Variants in PTPRO observed in about 807,000 individuals in gnomAD.
PTPRO encodes the protein receptor-type tyrosine-protein phosphatase O.
Under a neutral mutation model 145.2 loss-of-function variants are expected in PTPRO, and 62 were observed. The observed-to-expected ratio is 0.43, with a 90% CI of 0.35 to 0.53. The LOEUF is 0.53. Ranked by LOEUF, PTPRO falls within the 20% of genes least tolerant of loss-of-function variation. PTPRO has a pLI of 0.01. For missense variants in PTPRO, 1,345 were observed against 1,482.7 expected, an observed-to-expected ratio of 0.91 and a Z score of 1.53; for synonymous variants, 565 against 514.7, an observed-to-expected ratio of 1.10 and a Z score of -1.32.
chr12:15,381,189 A>G (rs1268336254), intron 1 of PTPRO, among the ~76,000 whole-genome samples: 1 of 152,200 alleles, frequency 6.6e-6, no homozygotes, highest in African/African-American at 2.4e-5. Flanking sequence ...CTCAGAATAC[A>G]ATTTTTAAGA....
intron 1 of PTPRO, among the ~76,000 whole-genome samples, chr12:15,355,037 A>G (rs539983436): frequency 5.3e-5 from 8 of 152,252 alleles, no homozygotes; most frequent in Admixed American, 5.2e-4. Context: ...AATTTTGAGT[A>G]GTAAAGGAAT....
intron 1 of PTPRO, among the ~76,000 whole-genome samples, chr12:15,408,865 A>G (rs10846171): frequency 0.33 from 50,656 of 152,078 alleles, 9,226 homozygotes; most frequent in African/African-American, 0.49. Context: ...CGTAAAATGA[A>G]GTATAGATAT....
At chr12:15,560,358 T>G in intron 17 of PTPRO, 82 bp downstream of exon 17, 1 of 1,110,502 alleles carries the variant, frequency 9.0e-7, no homozygotes, top group South Asian at 1.3e-5. Context: ...AAGTTTCTTT[T>G]TAACTATTTT....
At chr12:15,333,610 G>A (rs1866672859) in intron 1 of PTPRO, among the ~76,000 whole-genome samples, 1 of 152,232 alleles carries the variant, frequency 6.6e-6, no homozygotes, top group Non-Finnish European at 1.5e-5. Context: ...GAGTAGAGAA[G>A]CTGCACAGTG....
At chr12:15,375,035 C>G (rs147391155) in intron 1 of PTPRO, among the ~76,000 whole-genome samples, 113 of 152,330 alleles carry the variant, frequency 7.4e-4, no homozygotes, top group Middle Eastern at 3.4e-3. Flanking sequence ...GGTTGACTTA[C>G]TGGTTCACAG....
At chr12:15,359,866 C>T (rs1938120869) in intron 1 of PTPRO, among the ~76,000 whole-genome samples, 1 of 152,126 alleles carries the variant, frequency 6.6e-6, no homozygotes, top group Admixed American at 6.6e-5. Flanking sequence ...GTCTTTCTAT[C>T]TTTCTAATCT....
At chr12:15,590,770 C>T (rs1944534446) in intron 25 of PTPRO, among the ~76,000 whole-genome samples, 1 of 152,176 alleles carries the variant, frequency 6.6e-6, no homozygotes, top group Non-Finnish European at 1.5e-5. Context: ...AATTGGTTTC[C>T]TCACTTGGTT....
intron 1 of PTPRO, among the ~76,000 whole-genome samples, chr12:15,449,823 A>G (rs528291746): frequency 2.2e-4 from 34 of 152,312 alleles, no homozygotes; most frequent in Non-Finnish European, 4.6e-4. Context: ...TCTCTGTACT[A>G]TCTTTGCTAC....
chr12:15,404,431 A>G (rs1313727479), intron 1 of PTPRO, among the ~76,000 whole-genome samples: 2 of 152,154 alleles, frequency 1.3e-5, no homozygotes, highest in East Asian at 1.9e-4. Flanking sequence ...AATTTCACAT[A>G]CTGTACTTTG....
At chr12:15,425,214 A>G (rs1236117413) in intron 1 of PTPRO, among the ~76,000 whole-genome samples, 1 of 152,144 alleles carries the variant, frequency 6.6e-6, no homozygotes, top group African/African-American at 2.4e-5. Flanking sequence ...CCCCATACAC[A>G]AGGTTTATTT....
At chr12:15,325,557 G>GA (rs926714570) in intron 1 of PTPRO, among the ~76,000 whole-genome samples, 1 of 152,000 alleles carries the variant, frequency 6.6e-6, no homozygotes, top group African/African-American at 2.4e-5. Context: ...TAAAATAGAA[G>GA]AAAAAATGGA....
chr12:15,531,175 C>T (rs1384879012), intron 12 of PTPRO, among the ~76,000 whole-genome samples: 1 of 152,004 alleles, frequency 6.6e-6, no homozygotes, highest in Non-Finnish European at 1.5e-5. Flanking sequence ...ACAAGAAAAC[C>T]TTAATGAACC....
At chr12:15,507,410 A>AAAATAAATAAAT (rs201609031) in intron 6 of PTPRO, among the ~76,000 whole-genome samples, 20 of 123,002 alleles carry the variant, frequency 1.6e-4, no homozygotes, top group South Asian at 2.9e-4. Flanking sequence ...ACTCCATCTC[A>AAAATAAATAAAT]AAATAAATAA....
intron 1 of PTPRO, among the ~76,000 whole-genome samples, chr12:15,446,375 A>C (rs1332610158): frequency 1.3e-5 from 2 of 152,178 alleles, no homozygotes; most frequent in African/African-American, 2.4e-5. Flanking sequence ...TGTCCACAAA[A>C]GAGATGGAAG....
chr12:15,439,360 A>G lies in PTPRO; in HGVS notation c.76-44614A>G, dbSNP rs184670018. 2.8e-3 allele frequency among the ~76,000 whole-genome samples: 428 copies of G among 152,308 alleles called. 7 individuals carry two copies. The highest frequency in any genetic ancestry group is 2.0e-3 in the Non-Finnish European group (135 of 68,026). On this transcript the variant is annotated intron_variant, in intron 1 of 26. Coordinates refer to ENST00000281171, the MANE Select transcript of PTPRO (RefSeq NM_030667.3). ...CCTGCAGACCATATAAAGCAACTAC[A>G]CAATAGAAACTACAAAGCAACCAGC...
At chr12:15,500,758 C>A (rs1035334515) in intron 4 of PTPRO, among the ~76,000 whole-genome samples, 7 of 152,080 alleles carry the variant, frequency 4.6e-5, no homozygotes, top group African/African-American at 1.7e-4. Flanking sequence ...CCCATCTCTA[C>A]TAAGAATACA....
intron 1 of PTPRO, among the ~76,000 whole-genome samples, chr12:15,464,511 C>G (rs1363082136): frequency 7.0e-6 from 1 of 142,964 alleles, no homozygotes; most frequent in Non-Finnish European, 1.5e-5. Flanking sequence ...CATGCCACCA[C>G]GCCCAGCTAA....
chr12:15,500,083 GTGGATGGA>G (rs1555169986), intron 4 of PTPRO, among the ~76,000 whole-genome samples: 1 of 149,930 alleles, frequency 6.7e-6, no homozygotes, highest in African/African-American at 2.5e-5. Flanking sequence ...AGATGGATGG[GTGGATGGA>G]TGGATGGATG....
At chr12:15,515,985 T>G (rs1565677852) in intron 8 of PTPRO, among the ~76,000 whole-genome samples, 1 of 117,514 alleles carries the variant, frequency 8.5e-6, no homozygotes, top group Non-Finnish European at 1.7e-5. Context: ...GGTTTTTTTT[T>G]TGTTTTGTTT....
Sources: allele counts gnomAD v4.1 joint callset (sites outside exome capture counted in the v4.1 genomes callset), GRCh38; gene constraint gnomAD v4.1.1; transcripts MANE v1.5; gene names NCBI Gene and HGNC (gene_info 2026-07-23, HGNC 2026-07-21).